The following SHC2 variants were observed in gnomAD, a reference collection of about 807,000 sequenced individuals.
The protein encoded by SHC2 is SHC-transforming protein 2.
A neutral mutation model predicts 60.6 loss-of-function variants in SHC2; 62 were observed. That is an observed-to-expected ratio of 1.02 (90% CI 0.83 to 1.26). The LOEUF is 1.26. SHC2 is among the 50% of genes most tolerant of loss of function. The pLI is 0.00. For synonymous variants in SHC2, 375 were observed against 372.4 expected, an observed-to-expected ratio of 1.01 and a Z score of -0.08; for missense variants, 873 against 822.2, an observed-to-expected ratio of 1.06 and a Z score of -0.76.
chr19:460,924 A>T lies in SHC2; in HGVS notation c.73T>A (p.Phe25Ile). 1.0e-6 allele frequency: 1 copy of T among 987,810 alleles called. No homozygotes were observed. 61.2% of individuals were successfully genotyped at this position (987,810 alleles called of 1,614,324 possible). ...APPEPEAPTT[F>I]CALLPRMPQW... is the part of the protein sequence containing the mutation. Reference sequence around the variant, plus strand: ...GGCATTCGGGGCAGCAACGCGCAGAAGGTGGTGGGCGCCTCGGGCTCGGGG... The same window carrying T: ...GGCATTCGGGGCAGCAACGCGCAGATGGTGGTGGGCGCCTCGGGCTCGGGG... The change falls in exon 1 of 13, where the codon TTC (phenylalanine) becomes ATC (isoleucine). Residue 25 changes from phenylalanine to isoleucine, a missense_variant. Phe to Ile is a conservative substitution (Grantham distance 21, BLOSUM62 0). Transcript: ENST00000264554.
intron 1 of SHC2, among the ~76,000 whole-genome samples, chr19:458,860 C>T (rs1429473421): frequency 6.6e-6 from 1 of 150,908 alleles, no homozygotes; most frequent in South Asian, 2.1e-4. Flanking sequence ...GGAAGCGGGT[C>T]CTGGGGAGGC....
chr19:458,794 G>T (rs1349584014), intron 1 of SHC2, among the ~76,000 whole-genome samples: 1 of 145,898 alleles, frequency 6.9e-6, no homozygotes. Flanking sequence ...GGCGGAAGCG[G>T]GTCCTGGGGA....
At chr19:459,074 T>C (rs8111132) in intron 1 of SHC2, among the ~76,000 whole-genome samples, 55,119 of 151,476 alleles carry the variant, frequency 0.36, 14,618 homozygotes, top group African/African-American at 0.76. Context: ...CTGATCCAGG[T>C]AGGCCTCATC....
chr19:422,527 G>T lies in SHC2; in HGVS notation c.1310-71C>A. 1 of 1,339,524 alleles carries T rather than the reference G, an allele frequency of 7.5e-7. No individual in the cohort carries two copies. The allele number at this position is 1,339,524 out of a possible 1,614,324, so 83.0% of individuals were successfully genotyped here. A position where few individuals can be genotyped will look rare whatever the true frequency, so the allele number is the denominator to read the frequency against. On this transcript the variant is annotated intron_variant, in intron 10 of 12. Coordinates refer to ENST00000264554, the MANE Select transcript of SHC2 (RefSeq NM_012435.3). This position sits in a 1 kb window ranked among gnomAD's most constrained non-coding sequence, Gnocchi z 5.0. ...CTACTCCTGCCGGGACCAGAGCTGG[G>T]AGAAACGGGTTCCCCGGGGAGTCCC...
Position 446,651 on chromosome 19 carries a change from A to G in SHC2, c.469-5719T>C, listed in dbSNP as rs1975061222. 6.6e-6 allele frequency among the ~76,000 whole-genome samples: 1 copy of G among 152,124 alleles called. No individual in the cohort carries two copies. ...ACAGTTTGTGGTGGTTTGTGGTGGC[A>G]GCCCCGGGACCCTCCCACAGAAGAT... On this transcript the variant is annotated intron_variant, in intron 1 of 12. Transcript: ENST00000264554. The surrounding 1 kb of genome is among the most constrained non-coding windows in gnomAD (Gnocchi z 5.4).
chr19:451,587 T>C (rs114058999), intron 1 of SHC2, among the ~76,000 whole-genome samples: 6 of 152,156 alleles, frequency 3.9e-5, no homozygotes, highest in Non-Finnish European at 7.4e-5. Context: ...GTAATTCTCT[T>C]TAACTTTTTG....
At position 441,055 on chromosome 19, in the gene SHC2, G is replaced by C. The variant is rs182376890; in HGVS notation, c.469-123C>G. ...GGTCGAGCCCTTTCCTCTGTCCCTG[G>C]TGGCTCTGGGGCCGTCGTGCCTCCC... On this transcript the variant is annotated intron_variant, in intron 1 of 12. Coordinates refer to ENST00000264554, the MANE Select transcript of SHC2 (RefSeq NM_012435.3). The surrounding 1 kb of genome is among the most constrained non-coding windows in gnomAD (Gnocchi z 4.9). 8.6e-6 allele frequency: 13 copies of C among 1,511,728 alleles called. No individual in the cohort carries two copies. In the Admixed American group the frequency reaches 2.4e-4, roughly 28 times the overall value. 93.6% of individuals were successfully genotyped at this position (1,511,728 alleles called of 1,614,324 possible).
intron 9 of SHC2, among the ~76,000 whole-genome samples, chr19:428,560 A>G (rs746590729): frequency 1.3e-5 from 2 of 152,226 alleles, no homozygotes; most frequent in African/African-American, 2.4e-5. Flanking sequence ...AACAAGGGCT[A>G]TGACGCACGT....
rs377671885 is a variant in SHC2 at position 440,965 on chromosome 19, G to A, written c.469-33C>T. On this transcript the variant is annotated intron_variant, in intron 1 of 12. Coordinates refer to ENST00000264554, the MANE Select transcript of SHC2 (RefSeq NM_012435.3). The surrounding 1 kb of genome is among the most constrained non-coding windows in gnomAD (Gnocchi z 7.0). ...GAGAGAACAGGTGTCAGATGCCATC[G>A]GAACCCCCGCAGTGGAGCCACGTCC... is the stretch of plus-strand genomic sequence containing the variant. The A allele has an allele frequency of 3.3e-5, 53 of 1,597,058 alleles. No homozygotes were observed. Among genetic ancestry groups the A allele is most frequent in the Admixed American group, 2.7e-4 (16 of 59,948 alleles).
At chr19:439,396 C>T (rs902392119) in intron 2 of SHC2, 2 of 306,708 alleles carry the variant, frequency 6.5e-6, no homozygotes, top group Non-Finnish European at 1.2e-5. Context: ...GAAGGCTCGG[C>T]ATCAGATGTG....
intron 1 of SHC2, among the ~76,000 whole-genome samples, chr19:452,630 G>A (rs1165071790): frequency 6.6e-6 from 1 of 152,202 alleles, no homozygotes; most frequent in Non-Finnish European, 1.5e-5. Context: ...CTGACTTGGA[G>A]TTCCTGCGTA....
In SHC2 at chr19:460,612, C is replaced by G. The variant is rs1975524265; in HGVS notation, c.385G>C (p.Gly129Arg). 1 of 1,358,676 alleles carries G rather than the reference C, an allele frequency of 7.4e-7. No individual in the cohort carries two copies. Among genetic ancestry groups the G allele is most frequent in the African/African-American group, 1.5e-5 (1 of 66,398 alleles). The allele number at this position is 1,358,676 out of a possible 1,614,324, so 84.2% of individuals were successfully genotyped here. A position where few individuals can be genotyped will look rare whatever the true frequency, so the allele number is the denominator to read the frequency against. ...AAAAAEWIRK[G>R]SFIHKPAHGW... Reference sequence around the variant, plus strand: ...TGCGCGGGTTTGTGGATGAAGCTGCCCTTCCGGATCCACTCGGCGGCGGCG... The same window carrying G: ...TGCGCGGGTTTGTGGATGAAGCTGCGCTTCCGGATCCACTCGGCGGCGGCG... The change falls in exon 1 of 13, where the codon GGC becomes CGC. Residue 129 changes from glycine (G) to arginine (R), a missense_variant. Gly to Arg is a moderately radical substitution (Grantham distance 125). Transcript: ENST00000264554.
At chr19:435,076 G>A (rs79560240) in intron 7 of SHC2, among the ~76,000 whole-genome samples, 1,690 of 152,282 alleles carry the variant, frequency 0.011, 18 homozygotes, top group African/African-American at 0.026. Flanking sequence ...ACACATTTCC[G>A]AGCTGTAGCA....
chr19:436,592 C>T lies in SHC2; in HGVS notation c.774+38G>A, dbSNP rs775497620. ...AGAGGGTCTCGCGGCCGGAGGGGGG[C>T]GGCAGGGCTGCAGGTCCACCCCCAT... On this transcript the variant is annotated intron_variant, in intron 5 of 12. Transcript: ENST00000264554. The T allele has an allele frequency of 4.5e-5, 72 of 1,592,922 alleles. No individual in the cohort carries two copies. The East Asian group carries it at 6.1e-4, about 13-fold the overall frequency.
intron 1 of SHC2, among the ~76,000 whole-genome samples, chr19:457,742 C>A (rs114541123): frequency 1.3e-5 from 2 of 152,214 alleles, no homozygotes; most frequent in African/African-American, 4.8e-5. Flanking sequence ...ATTCTAAATC[C>A]CACATCCACG....
At chr19:439,066 G>A in intron 2 of SHC2, 36 bp from the exon 3 acceptor site, 4 of 1,503,148 alleles carry the variant, frequency 2.7e-6, no homozygotes, top group Middle Eastern at 1.7e-4. Context: ...AGAGTGTGGT[G>A]GGGGTGGCCA....
At chr19:457,691 A>G (rs1975382743) in intron 1 of SHC2, among the ~76,000 whole-genome samples, 1 of 152,270 alleles carries the variant, frequency 6.6e-6, no homozygotes. Context: ...TTATCCCCCA[A>G]CATCCGGAGC....
intron 1 of SHC2, among the ~76,000 whole-genome samples, chr19:454,932 C>T (rs928538604): frequency 1.8e-4 from 27 of 152,358 alleles, no homozygotes; most frequent in Admixed American, 5.9e-4. Flanking sequence ...ATCCTTGGCC[C>T]GTGGCCGCAT....
At chr19:449,914 T>TACG (rs1219347787) in intron 1 of SHC2, among the ~76,000 whole-genome samples, 1 of 152,214 alleles carries the variant, frequency 6.6e-6, no homozygotes, top group Non-Finnish European at 1.5e-5. Flanking sequence ...ACAAAAGCTC[T>TACG]ACGTAGTCTA....
Sources: gnomAD v4.1 joint callset for allele counts (sites outside exome capture counted in the v4.1 genomes callset) on GRCh38, gnomAD v4.1.1 for gene constraint, Gnocchi (gnomAD v3.1) non-coding constraint, MANE v1.5 for transcripts, NCBI Gene and HGNC (gene_info 2026-07-23, HGNC 2026-07-21) for gene names.